Variants in NRXN3 observed in about 807,000 individuals in gnomAD.
The protein encoded by NRXN3 is neurexin 3.
A neutral mutation model predicts 137.6 loss-of-function variants in NRXN3; 32 were observed. The ratio of observed to expected loss-of-function variants is 0.23; its 90% CI spans 0.18 to 0.31. The LOEUF (loss-of-function observed/expected upper bound fraction) is 0.31. NRXN3 is among the 10% of genes least tolerant of loss of function. The pLI is 1.00. For synonymous variants in NRXN3, 798 were observed against 784.5 expected, an observed-to-expected ratio of 1.02 and a Z score of -0.29; for missense variants, 1,574 against 2,062.5, an observed-to-expected ratio of 0.76 and a Z score of 4.59.
chr14:78,443,475 G>A (rs1235462908), intron 4 of NRXN3, among the ~76,000 whole-genome samples: 1 of 152,056 alleles, frequency 6.6e-6, no homozygotes, highest in Non-Finnish European at 1.5e-5. Context: ...AGGCCAGGAG[G>A]GTCCAGGGGA....
At position 78,651,081 on chromosome 14, in the gene NRXN3, C is replaced by T. The variant is rs1385067731; in HGVS notation, c.1060-84C>T. 6 of 1,248,210 alleles carry T rather than the reference C, an allele frequency of 4.8e-6. No individual in the cohort carries two copies. In the African/African-American group the frequency reaches 9.0e-5, roughly 19 times the overall value. 77.3% of individuals were successfully genotyped at this position (1,248,210 alleles called of 1,614,324 possible). Reference sequence around the variant, plus strand: ...CATGAAAATCTTAATGAAAGTGATGCCACAAGTAGGGGAAGCCACTGGGTT... The same window carrying T: ...CATGAAAATCTTAATGAAAGTGATGTCACAAGTAGGGGAAGCCACTGGGTT... On this transcript the variant is annotated intron_variant, in intron 5 of 20. Coordinates refer to ENST00000335750, the MANE Select transcript of NRXN3 (RefSeq NM_001330195.2).
intron 1 of NRXN3, among the ~76,000 whole-genome samples, chr14:78,176,124 G>A (rs977797391): frequency 6.6e-6 from 1 of 152,170 alleles, no homozygotes; most frequent in Admixed American, 6.5e-5. Context: ...TGTCTTCTGG[G>A]AAGGGTGGAC....
chr14:78,206,681 C>G (rs2062216855), intron 1 of NRXN3, among the ~76,000 whole-genome samples: 1 of 152,160 alleles, frequency 6.6e-6, no homozygotes, highest in Admixed American at 6.5e-5. Flanking sequence ...TGAATGTTCT[C>G]AGGGTGGTTA....
At chr14:79,580,192 T>C (rs2097701457) in intron 16 of NRXN3, among the ~76,000 whole-genome samples, 1 of 152,218 alleles carries the variant, frequency 6.6e-6, no homozygotes, top group African/African-American at 2.4e-5. Context: ...CATCTATTGA[T>C]GGACATTTAG....
Position 78,210,354 on chromosome 14 carries a change from C to T in NRXN3, c.-703-32037C>T, listed in dbSNP as rs145622395. On this transcript the variant is annotated intron_variant, in intron 1 of 20. Transcript: ENST00000335750. ...TAATCCCATTCATGAAGGCTCCACC[C>T]TCGTGACCCAATCACCTCCCAAAGG... Among the ~76,000 whole-genome samples, 498 of 152,282 alleles carry T rather than the reference C, an allele frequency of 3.3e-3. 6 individuals carry two copies. The highest frequency in any genetic ancestry group is 0.012 in the African/African-American group (484 of 41,568).
intron 5 of NRXN3, among the ~76,000 whole-genome samples, chr14:78,649,852 C>T (rs1317322370): frequency 2.6e-5 from 4 of 152,012 alleles, no homozygotes; most frequent in Non-Finnish European, 5.9e-5. Flanking sequence ...TACTTTACTC[C>T]CCTACCGTGG....
At chr14:79,193,732 G>A (rs2064745495) in intron 15 of NRXN3, among the ~76,000 whole-genome samples, 1 of 152,154 alleles carries the variant, frequency 6.6e-6, no homozygotes, top group Non-Finnish European at 1.5e-5. Flanking sequence ...AAAGGAAAGA[G>A]AAAGAAATCA....
At chr14:79,754,563 T>G (rs1415250587) in intron 19 of NRXN3, among the ~76,000 whole-genome samples, 24 of 44,102 alleles carry the variant, frequency 5.4e-4, no homozygotes, top group Non-Finnish European at 1.2e-3. Context: ...TATATATATA[T>G]GCACACATAC....
intron 10 of NRXN3, among the ~76,000 whole-genome samples, chr14:78,829,203 T>G (rs934658373): frequency 6.6e-6 from 1 of 152,188 alleles, no homozygotes; most frequent in African/African-American, 2.4e-5. Flanking sequence ...TGAGTTAAAT[T>G]CTCTTTCTGA....
chr14:78,477,520 A>G (rs2095400686), intron 4 of NRXN3, among the ~76,000 whole-genome samples: 1 of 152,224 alleles, frequency 6.6e-6, no homozygotes, highest in Admixed American at 6.5e-5. Context: ...AGGGAGCATG[A>G]CTTCTCAAAA....
At chr14:78,218,677 T>G (rs1485357143) in intron 1 of NRXN3, among the ~76,000 whole-genome samples, 1 of 152,248 alleles carries the variant, frequency 6.6e-6, no homozygotes, top group Non-Finnish European at 1.5e-5. Context: ...AGGCAGGGCC[T>G]TCCTTGGCTT....
At chr14:79,412,609 T>G (rs1352772808) in intron 15 of NRXN3, among the ~76,000 whole-genome samples, 1 of 133,006 alleles carries the variant, frequency 7.5e-6, no homozygotes, top group Non-Finnish European at 1.7e-5. Flanking sequence ...TGAAACCCCA[T>G]CTACTAAAAA....
intron 15 of NRXN3, among the ~76,000 whole-genome samples, chr14:79,205,197 G>A (rs4356397): frequency 0.053 from 8,029 of 152,214 alleles, 397 homozygotes; most frequent in East Asian, 0.24. Flanking sequence ...CTGCTGCTTC[G>A]TACTTGAAAA....
chr14:78,391,210 A>G (rs1034936795), intron 4 of NRXN3, among the ~76,000 whole-genome samples: 5 of 152,182 alleles, frequency 3.3e-5, no homozygotes, highest in Admixed American at 6.6e-5. Context: ...GGAGTACAGA[A>G]GTTGACCACA....
chr14:78,444,964 G>A (rs4903758), intron 4 of NRXN3, among the ~76,000 whole-genome samples: 121,026 of 144,762 alleles, frequency 0.84, 52,077 homozygotes, highest in Non-Finnish European at 0.94. Context: ...GTTTGAGTAA[G>A]GGAGTAAGGC....
chr14:78,852,948 C>A lies in NRXN3; in HGVS notation c.2275+42604C>A, dbSNP rs569106366. Among the ~76,000 whole-genome samples the A allele has an allele frequency of 4.0e-5, 6 of 150,318 alleles. No homozygotes were observed. The South Asian group carries it at 1.3e-3, about 32-fold the overall frequency. On this transcript the variant is annotated intron_variant, in intron 10 of 20. Transcript: ENST00000335750. ...AAGAGAACATGTGAAGTTTGTCTTT[C>A]TGTGCCTGGCTTATTTCACTTAACA...
chr14:78,993,124 A>G (rs1243551945), intron 15 of NRXN3, among the ~76,000 whole-genome samples: 1 of 152,196 alleles, frequency 6.6e-6, no homozygotes, highest in African/African-American at 2.4e-5. Flanking sequence ...CGTCTTTTTC[A>G]GACAGTTTTC....
At chr14:78,324,330 G>C (rs7153365) in intron 4 of NRXN3, among the ~76,000 whole-genome samples, 38,988 of 151,990 alleles carry the variant, frequency 0.26, 5,317 homozygotes, top group African/African-American at 0.3. Context: ...TGGGTACTAG[G>C]ACATAGTGGA....
At chr14:78,392,762 G>A (rs1334486655) in intron 4 of NRXN3, among the ~76,000 whole-genome samples, 1 of 151,980 alleles carries the variant, frequency 6.6e-6, no homozygotes, top group Non-Finnish European at 1.5e-5. Context: ...TTACAAATGA[G>A]GATCAATCTG....
Sources: gnomAD v4.1 joint callset for allele counts (sites outside exome capture counted in the v4.1 genomes callset) on GRCh38, gnomAD v4.1.1 for gene constraint, MANE v1.5 for transcripts, NCBI Gene and HGNC (gene_info 2026-07-23, HGNC 2026-07-21) for gene names.